ASTN2: variants seen among roughly 807,000 people sequenced by gnomAD.
The protein encoded by ASTN2 is astrotactin 2.
A neutral mutation model predicts 139.8 loss-of-function variants in ASTN2; 54 were observed. The observed-to-expected ratio is 0.39, with a 90% CI of 0.31 to 0.48. The LOEUF (loss-of-function observed/expected upper bound fraction) is 0.48, where lower values mean the gene tolerates loss of function less well. Among genes scored for constraint, ASTN2 ranks in the 20% least tolerant of loss-of-function variants. ASTN2 has a pLI of 0.95. For synonymous variants in ASTN2, 756 were observed against 719.5 expected, an observed-to-expected ratio of 1.05 and a Z score of -0.81; for missense variants, 1,565 against 1,725.1, an observed-to-expected ratio of 0.91 and a Z score of 1.64.
intron 19 of ASTN2, among the ~76,000 whole-genome samples, chr9:116,551,559 C>T (rs1852346195): frequency 6.6e-6 from 1 of 152,172 alleles, no homozygotes; most frequent in African/African-American, 2.4e-5. Flanking sequence ...TCTGGAATTG[C>T]TTCTCCTCCA....
intron 17 of ASTN2, among the ~76,000 whole-genome samples, chr9:116,634,027 G>A (rs1174334712): frequency 6.6e-6 from 1 of 152,122 alleles, no homozygotes; most frequent in Non-Finnish European, 1.5e-5. Context: ...TTAGGAGCAT[G>A]GTCACTGGAA....
intron 10 of ASTN2, among the ~76,000 whole-genome samples, chr9:116,879,372 CAGA>C (rs1833390969): frequency 1.3e-5 from 2 of 149,902 alleles, no homozygotes; most frequent in Non-Finnish European, 3.0e-5. Context: ...GACAGACAGA[CAGA>C]CAGACAGACA....
At chr9:116,945,039 G>A (rs1835351301) in intron 10 of ASTN2, among the ~76,000 whole-genome samples, 2 of 152,100 alleles carry the variant, frequency 1.3e-5, no homozygotes, top group South Asian at 4.1e-4. Context: ...TATCCACTCT[G>A]GCATGTTCAG....
intron 6 of ASTN2, among the ~76,000 whole-genome samples, chr9:117,017,740 A>C (rs1837758222): frequency 6.6e-6 from 1 of 152,122 alleles, no homozygotes; most frequent in Non-Finnish European, 1.5e-5. Context: ...TCCATTTACA[A>C]TTGTATATCT....
chr9:116,863,618 C>A lies in ASTN2; in HGVS notation c.2005G>T (p.Val669Leu), dbSNP rs1372788373. 6 of 1,614,058 alleles carry A rather than the reference C, an allele frequency of 3.7e-6. No individual in the cohort carries two copies. The highest frequency in any genetic ancestry group is 5.1e-6 in the Non-Finnish European group (6 of 1,180,022). The change falls in exon 11 of 23, where the codon GTG becomes TTG. Residue 669 changes from valine to leucine, a missense_variant. This residue lies in a region of ASTN2 where 503 missense variants were observed against 591.7 expected (regional missense o/e 0.85). Transcript: ENST00000313400. Reference protein sequence around the residue: ...NGGCTRNFKCVSDRQVDSSGC... With the variant: ...NGGCTRNFKCLSDRQVDSSGC... ...GAGGAATCCACCTGCCGGTCAGACA[C>A]ACACTTGAAGTTGCGAGTGCAGCCC...
At chr9:116,788,181 C>T (rs886543478) in intron 13 of ASTN2, among the ~76,000 whole-genome samples, 5 of 151,854 alleles carry the variant, frequency 3.3e-5, no homozygotes, top group South Asian at 2.1e-4. Flanking sequence ...TGAGGAATTG[C>T]GGGGAGATGA....
intron 7 of ASTN2, among the ~76,000 whole-genome samples, chr9:117,002,380 C>G (rs371223869): frequency 6.6e-6 from 1 of 151,952 alleles, no homozygotes. Context: ...GGTGGAGAGA[C>G]GAGTTGAACT....
rs1259201416 is a variant in ASTN2, at chr9:117,016,642, A to AGGT, written c.1424-8384_1424-8383insACC. Among the ~76,000 whole-genome samples, 26 of 21,022 alleles carry AGGT rather than the reference A, an allele frequency of 1.2e-3. 1 individual carries two copies. The highest frequency in any genetic ancestry group is 2.7e-3 in the South Asian group (2 of 732). 13.8% of individuals were successfully genotyped at this position (21,022 alleles called of 152,430 possible). A position where few individuals can be genotyped will look rare whatever the true frequency, so the allele number is the denominator to read the frequency against. The stretch of plus-strand genomic sequence containing the variant: ...TATCTATCTATATATATATATATAT[A>AGGT]TATATATATATATAACCTATATATA... On this transcript the variant is annotated intron_variant, in intron 6 of 22. Coordinates refer to ENST00000313400, the MANE Select transcript of ASTN2 (RefSeq NM_001365068.1).
intron 20 of ASTN2, among the ~76,000 whole-genome samples, chr9:116,458,412 G>T (rs1373466722): frequency 6.6e-6 from 1 of 151,766 alleles, no homozygotes; most frequent in Non-Finnish European, 1.5e-5. Context: ...TGAGGTGATG[G>T]ATTCCTCATT....
intron 13 of ASTN2, 65 bp from the exon 14 acceptor site, chr9:116,733,588 A>T: frequency 1.3e-6 from 2 of 1,599,648 alleles, no homozygotes; most frequent in Non-Finnish European, 1.7e-6. Context: ...CTACAGGGCA[A>T]GGAGGCAGGA....
At chr9:116,822,560 T>A (rs1292703295) in intron 11 of ASTN2, among the ~76,000 whole-genome samples, 2 of 152,124 alleles carry the variant, frequency 1.3e-5, no homozygotes, top group Non-Finnish European at 2.9e-5. Context: ...CGGAGCATGT[T>A]GAAAAGAATG....
chr9:116,554,646 C>T (rs890603594), intron 19 of ASTN2, among the ~76,000 whole-genome samples: 2 of 152,240 alleles, frequency 1.3e-5, no homozygotes, highest in East Asian at 3.9e-4. Context: ...GGCTCTGGCT[C>T]AGAACATTCC....
chr9:117,301,589 G>T (rs1339820756), intron 1 of ASTN2, among the ~76,000 whole-genome samples: 1 of 152,166 alleles, frequency 6.6e-6, no homozygotes, highest in Non-Finnish European at 1.5e-5. Flanking sequence ...TACATAGGCT[G>T]AGAAAGGAGC....
At chr9:116,953,975 A>T (rs1835636889) in intron 10 of ASTN2, among the ~76,000 whole-genome samples, 1 of 152,174 alleles carries the variant, frequency 6.6e-6, no homozygotes, top group Admixed American at 6.5e-5. Context: ...CTGTCCATGT[A>T]TGTATGGACA....
chr9:117,227,273 A>G (rs1832745783), intron 2 of ASTN2, among the ~76,000 whole-genome samples: 1 of 152,138 alleles, frequency 6.6e-6, no homozygotes, highest in Non-Finnish European at 1.5e-5. Flanking sequence ...CTTTAACTTT[A>G]TGTCACTTAT....
chr9:117,281,761 T>C (rs1834330922), intron 2 of ASTN2, among the ~76,000 whole-genome samples: 1 of 151,974 alleles, frequency 6.6e-6, no homozygotes, highest in South Asian at 2.1e-4. Context: ...CCCCTCTCCT[T>C]CCCTTCTCCC....
intron 3 of ASTN2, among the ~76,000 whole-genome samples, chr9:117,185,446 T>A (rs1477730573): frequency 6.6e-6 from 1 of 152,130 alleles, no homozygotes; most frequent in Non-Finnish European, 1.5e-5. Context: ...CGTGCTTTAG[T>A]AAAAAGGAGC....
chr9:116,686,672 A>G (rs1338091432), intron 16 of ASTN2: 6 of 1,548,972 alleles, frequency 3.9e-6, no homozygotes, highest in Non-Finnish European at 8.7e-7. Flanking sequence ...GAGCAAAACT[A>G]CACTTGGTTT....
intron 13 of ASTN2, among the ~76,000 whole-genome samples, chr9:116,765,049 A>C (rs1384470420): frequency 6.6e-6 from 1 of 152,160 alleles, no homozygotes; most frequent in Admixed American, 6.5e-5. Context: ...CGCTGTGTGA[A>C]ATGCTGATAC....
Sources: allele counts gnomAD v4.1 joint callset (sites outside exome capture counted in the v4.1 genomes callset), GRCh38; gene constraint gnomAD v4.1.1; regional missense constraint gnomAD v4.1.1; transcripts MANE v1.5; gene names NCBI Gene and HGNC (gene_info 2026-07-23, HGNC 2026-07-21).